Variants in SPEF2 observed in about 807,000 individuals in gnomAD.
SPEF2 encodes the protein sperm flagella and cilia-associated protein 2.
In SPEF2, 187 loss-of-function variants were observed where a neutral mutation model predicts 224.6. The ratio of observed to expected loss-of-function variants is 0.83; its 90% confidence interval spans 0.74 to 0.94. The LOEUF is 0.94. Ranked by LOEUF, SPEF2 falls within the 40% of genes least tolerant of loss-of-function variation. The pLI is 0.00. For synonymous variants in SPEF2, 715 were observed against 707.3 expected (o/e 1.01, Z -0.17); for missense variants, 2,170 against 2,135.6 (o/e 1.02, Z -0.32).
At chr5:35,736,548 T>C (rs1746630727) in intron 21 of SPEF2, among the ~76,000 whole-genome samples, 1 of 152,124 alleles carries the variant, frequency 6.6e-6, no homozygotes, top group African/African-American at 2.4e-5. Context: ...ACATGAGAAC[T>C]AACTCACTAT....
intron 10 of SPEF2, among the ~76,000 whole-genome samples, chr5:35,683,388 G>C (rs1753109442): frequency 6.6e-6 from 1 of 152,190 alleles, no homozygotes; most frequent in Non-Finnish European, 1.5e-5. Context: ...ACTTTGGGAG[G>C]CTGAGGTGGG....
chr5:35,737,468 G>C (rs949293160), intron 21 of SPEF2, among the ~76,000 whole-genome samples: 3 of 150,518 alleles, frequency 2.0e-5, no homozygotes, highest in Admixed American at 1.3e-4. Flanking sequence ...GCAGTGGTTG[G>C]TTTTTTGTCC....
intron 23 of SPEF2, among the ~76,000 whole-genome samples, chr5:35,752,212 C>T (rs987938224): frequency 1.3e-5 from 2 of 152,100 alleles, no homozygotes; most frequent in Non-Finnish European, 2.9e-5. Flanking sequence ...ATGGGTACCA[C>T]CTCGCGGCCC....
At chr5:35,722,530 T>A (rs1580449859) in intron 20 of SPEF2, among the ~76,000 whole-genome samples, 1 of 149,128 alleles carries the variant, frequency 6.7e-6, no homozygotes, top group Non-Finnish European at 1.5e-5. Flanking sequence ...CATGTGCACA[T>A]TATGCAGGTT....
intron 10 of SPEF2, chr5:35,671,014 G>T: frequency 1.0e-6 from 1 of 985,382 alleles, no homozygotes; most frequent in Non-Finnish European, 1.2e-6. Flanking sequence ...AAGTAAAGGT[G>T]TAACAATCAT....
rs530444745 is a variant in SPEF2, at chr5:35,755,182, C to T, written c.3468+1421C>T. On this transcript the variant is annotated intron_variant, in intron 24 of 36. Coordinates refer to ENST00000356031, the MANE Select transcript of SPEF2 (RefSeq NM_024867.4). ...TGTCATCCAAAGCAGAGGACAAAGC[C>T]GGGCCATGACCAGGAGGACAGATCC... Among the ~76,000 whole-genome samples, 5 of 152,314 alleles carry T rather than the reference C, an allele frequency of 3.3e-5. No individual in the cohort carries two copies. In the East Asian group the frequency reaches 5.8e-4, roughly 18 times the overall value.
In SPEF2 at chr5:35,705,809, G is replaced by A. The variant is rs1437875819; in HGVS notation, c.2665+1G>A. 2.1e-6 allele frequency: 3 copies of A among 1,455,506 alleles called. No homozygotes were observed. Among genetic ancestry groups the A allele is most frequent in the Non-Finnish European group, 2.8e-6 (3 of 1,072,516 alleles). The allele number at this position is 1,455,506 out of a possible 1,614,324, so 90.2% of individuals were successfully genotyped here. ...GAAATAGCAAAAAAAAAGAATAAAGGTATTTACATTTGTTTATAGTTTTGA... is the reference window on the plus strand; with the variant it reads ...GAAATAGCAAAAAAAAAGAATAAAGATATTTACATTTGTTTATAGTTTTGA... On this transcript the variant is annotated splice_donor_variant, in intron 18 of 36. Transcript: ENST00000356031. LOFTEE classifies it high-confidence loss of function.
intron 32 of SPEF2, among the ~76,000 whole-genome samples, chr5:35,794,543 C>T (rs1476619169): frequency 1.3e-5 from 2 of 152,150 alleles, no homozygotes; most frequent in African/African-American, 4.8e-5. Context: ...AGTAGATTTA[C>T]AATTTGTTAA....
intron 21 of SPEF2, among the ~76,000 whole-genome samples, chr5:35,739,014 C>G (rs986149788): frequency 2.0e-5 from 3 of 152,142 alleles, no homozygotes; most frequent in African/African-American, 7.2e-5. Context: ...GATAGAGGCT[C>G]TTTTCAAACT....
chr5:35,807,577 C>A, intron 36 of SPEF2: 1 of 1,434,500 alleles, frequency 7.0e-7, no homozygotes, highest in Non-Finnish European at 9.5e-7. Flanking sequence ...CCAAAGAGAA[C>A]TAACCAAGAC....
chr5:35,672,559 G>A (rs1182618127), intron 10 of SPEF2, among the ~76,000 whole-genome samples: 2 of 151,222 alleles, frequency 1.3e-5, no homozygotes, highest in Non-Finnish European at 3.0e-5. Flanking sequence ...CTTGTATGTG[G>A]GAACATTTAG....
At chr5:35,797,317 G>GGTGTGTGTGT (rs3219619) in intron 33 of SPEF2, among the ~76,000 whole-genome samples, 23 of 142,176 alleles carry the variant, frequency 1.6e-4, no homozygotes, top group East Asian at 1.2e-3. Flanking sequence ...ATGGCTGACG[G>GGTGTGTGTGT]GTGTGTGTGT....
chr5:35,694,375 A>G lies in SPEF2; in HGVS notation c.1975+12A>G, dbSNP rs999271426. ...TGAAACAATGCTTAGTAAGATCTCAAAACAAATCATCTATTATTTACATTA... is the reference window on the plus strand; with the variant it reads ...TGAAACAATGCTTAGTAAGATCTCAGAACAAATCATCTATTATTTACATTA... On this transcript the variant is annotated intron_variant, in intron 13 of 36. Coordinates refer to ENST00000356031, the MANE Select transcript of SPEF2 (RefSeq NM_024867.4). 2.5e-6 allele frequency: 4 copies of G among 1,598,208 alleles called. No individual in the cohort carries two copies. The highest frequency in any genetic ancestry group is 3.4e-6 in the Non-Finnish European group (4 of 1,169,422).
intron 2 of SPEF2, among the ~76,000 whole-genome samples, chr5:35,631,009 A>G (rs1745031283): frequency 1.3e-5 from 2 of 152,248 alleles, no homozygotes. Context: ...GCTCAGCATC[A>G]TTAGTGTATT....
intron 2 of SPEF2, 22 bp downstream of exon 2, chr5:35,628,584 T>C (rs771774893): frequency 6.8e-7 from 1 of 1,467,610 alleles, no homozygotes; most frequent in South Asian, 1.1e-5. Flanking sequence ...TATTCCTTTT[T>C]GTTGTTGTTG....
At chr5:35,810,315 G>A (rs1459225682) in intron 36 of SPEF2, among the ~76,000 whole-genome samples, 2 of 152,038 alleles carry the variant, frequency 1.3e-5, no homozygotes, top group Non-Finnish European at 2.9e-5. Context: ...GGGTTCACAC[G>A]ATTCTCCTGC....
chr5:35,763,769 G>C (rs1434226024), intron 26 of SPEF2, 67 bp downstream of exon 26: 4 of 1,384,296 alleles, frequency 2.9e-6, no homozygotes, highest in Non-Finnish European at 3.8e-6. Flanking sequence ...TTGGTAATAT[G>C]CTATAAGTGG....
chr5:35,722,017 A>G (rs953495868), intron 20 of SPEF2, among the ~76,000 whole-genome samples: 9 of 152,118 alleles, frequency 5.9e-5, no homozygotes, highest in African/African-American at 2.2e-4. Flanking sequence ...TATGAACAGT[A>G]TTAGTTGAGG....
Position 35,641,347 on chromosome 5 carries a change from G to A in SPEF2, c.162-84G>A, listed in dbSNP as rs926375808. 2.1e-5 allele frequency: 29 copies of A among 1,411,628 alleles called. No individual in the cohort carries two copies. In the East Asian group the frequency reaches 6.4e-4, roughly 31 times the overall value. 87.4% of individuals were successfully genotyped at this position (1,411,628 alleles called of 1,614,324 possible). A position where few individuals can be genotyped will look rare whatever the true frequency, so the allele number is the denominator to read the frequency against. ...AGGACATGAAATAATTCAAAATATTGGATAATGATAATATGTCTGATATTT... is the reference window on the plus strand; with the variant it reads ...AGGACATGAAATAATTCAAAATATTAGATAATGATAATATGTCTGATATTT... On this transcript the variant is annotated intron_variant, in intron 2 of 36. Transcript: ENST00000356031.
Sources: gnomAD v4.1 joint callset for allele counts (sites outside exome capture counted in the v4.1 genomes callset) on GRCh38, gnomAD v4.1.1 for gene constraint, MANE v1.5 for transcripts, NCBI Gene and HGNC (gene_info 2026-07-23, HGNC 2026-07-21) for gene names.